AK9: variants seen among roughly 807,000 people sequenced by gnomAD.
AK9 encodes adenylate kinase 9.
A neutral mutation model predicts 239.6 loss-of-function variants in AK9; 191 were observed. That is an observed-to-expected ratio of 0.80 (90% CI 0.71 to 0.90). The LOEUF is 0.90. Ranked by LOEUF, AK9 falls within the 40% of genes least tolerant of loss-of-function variation. The pLI is 0.00. For missense variants in AK9, 1,995 were observed against 2,214.7 expected, an observed-to-expected ratio of 0.90 and a Z score of 1.99; for synonymous variants, 689 against 721.0, an observed-to-expected ratio of 0.96 and a Z score of 0.71.
intron 22 of AK9, 96 bp downstream of exon 22, chr6:109,564,656 ATAAG>A: frequency 1.2e-6 from 1 of 832,804 alleles, no homozygotes; most frequent in Non-Finnish European, 1.8e-6. Flanking sequence ...ATAGAAAGAA[ATAAG>A]TATGACGCAC....
chr6:109,568,476 A>G (rs917602079), intron 21 of AK9, among the ~76,000 whole-genome samples: 14 of 152,188 alleles, frequency 9.2e-5, no homozygotes, highest in Admixed American at 9.2e-4. Flanking sequence ...TTAGGAAAAG[A>G]GGAAGTCAAA....
intron 17 of AK9, among the ~76,000 whole-genome samples, chr6:109,597,128 A>C (rs1427647375): frequency 6.6e-6 from 1 of 152,052 alleles, no homozygotes; most frequent in Non-Finnish European, 1.5e-5. Flanking sequence ...ATATTTCTTC[A>C]GATTAGATTC....
intron 21 of AK9, among the ~76,000 whole-genome samples, chr6:109,572,243 AC>A (rs1028108395): frequency 2.6e-5 from 4 of 151,712 alleles, no homozygotes; most frequent in East Asian, 3.9e-4. Flanking sequence ...GGCTCCCTCA[AC>A]CCCCCTCTCG....
At chr6:109,664,930 C>T (rs1412798790) in intron 5 of AK9, among the ~76,000 whole-genome samples, 1 of 150,990 alleles carries the variant, frequency 6.6e-6, no homozygotes, top group Non-Finnish European at 1.5e-5. Context: ...ATCCCAGCTA[C>T]TCGGGAGGCT....
At chr6:109,562,834 T>C (rs943555887) in intron 24 of AK9, among the ~76,000 whole-genome samples, 1 of 152,112 alleles carries the variant, frequency 6.6e-6, no homozygotes, top group Admixed American at 6.6e-5. Flanking sequence ...TGTCTGCGGA[T>C]ACCAGAGACC....
chr6:109,674,226 T>C lies in AK9; in HGVS notation c.153A>G (p.Thr51=), dbSNP rs1198486901. 2 of 1,591,642 alleles carry C rather than the reference T, an allele frequency of 1.3e-6. No individual in the cohort carries two copies. ...VGKTTLARYI[T]QAWKCIRVEA... Reference sequence around the variant, plus strand: ...CAACACGAATACATTTCCATGCCTGTGTTATGTAACGGGCTAATGTTGTTT... The same window carrying C: ...CAACACGAATACATTTCCATGCCTGCGTTATGTAACGGGCTAATGTTGTTT... The change falls in exon 3 of 41, where the codon ACA becomes ACG. Residue 51 remains threonine, a synonymous_variant. Coordinates refer to ENST00000424296, the MANE Select transcript of AK9 (RefSeq NM_001145128.3).
At chr6:109,665,666 C>G (rs9374114) in intron 5 of AK9, among the ~76,000 whole-genome samples, 88,663 of 152,104 alleles carry the variant, frequency 0.58, 27,526 homozygotes, top group East Asian at 0.84. Context: ...CTACACTGAA[C>G]GGGACTGCAT....
At chr6:109,589,883 GC>G (rs760530178) in intron 17 of AK9, among the ~76,000 whole-genome samples, 16 of 152,098 alleles carry the variant, frequency 1.1e-4, no homozygotes, top group Non-Finnish European at 1.3e-4. Flanking sequence ...ATTTGTGTAT[GC>G]TGAACCAACC....
intron 8 of AK9, among the ~76,000 whole-genome samples, chr6:109,656,204 G>A (rs1180588069): frequency 3.9e-5 from 6 of 152,078 alleles, no homozygotes; most frequent in Non-Finnish European, 7.4e-5. Flanking sequence ...TATAAAATAC[G>A]CTTTTCGCTA....
At chr6:109,646,468 T>C (rs931478037) in intron 8 of AK9, among the ~76,000 whole-genome samples, 1 of 152,090 alleles carries the variant, frequency 6.6e-6, no homozygotes, top group African/African-American at 2.4e-5. Flanking sequence ...CAGTAGCTGA[T>C]TCAATCAAGT....
At chr6:109,500,674 C>T (rs1030295054) in intron 35 of AK9, among the ~76,000 whole-genome samples, 3 of 152,168 alleles carry the variant, frequency 2.0e-5, no homozygotes, top group East Asian at 3.9e-4. Context: ...TATCTAAGAC[C>T]CTTGGGGCCA....
intron 20 of AK9, among the ~76,000 whole-genome samples, chr6:109,574,085 G>A (rs1787766949): frequency 6.6e-6 from 1 of 152,148 alleles, no homozygotes. Context: ...AAAGTTCCAT[G>A]TGTGGCTTAT....
chr6:109,539,890 T>G lies in AK9; in HGVS notation c.3350+2157A>C, dbSNP rs555891456. ...CCACTCTAGATCCTGTTTGCCTGGG[T>G]ATCAGCAGTGGAGGCTGCAGTACAG... is the stretch of plus-strand genomic sequence containing the variant. On this transcript the variant is annotated intron_variant, in intron 27 of 40. Transcript: ENST00000424296. Among the ~76,000 whole-genome samples, 5 of 152,276 alleles carry G rather than the reference T, an allele frequency of 3.3e-5. No individual in the cohort carries two copies. In the East Asian group the frequency reaches 9.7e-4, roughly 29 times the overall value.
chr6:109,570,287 G>T (rs1787238483), intron 21 of AK9, among the ~76,000 whole-genome samples: 1 of 152,018 alleles, frequency 6.6e-6, no homozygotes, highest in Non-Finnish European at 1.5e-5. Flanking sequence ...TCGTGGGGTG[G>T]GGGAAGGGGG....
chr6:109,534,634 G>A (rs1375477958), intron 27 of AK9, among the ~76,000 whole-genome samples: 1 of 151,562 alleles, frequency 6.6e-6, no homozygotes, highest in Non-Finnish European at 1.5e-5. Flanking sequence ...TAAGTTCTAG[G>A]GTACATGTGC....
chr6:109,525,854 C>A (rs1780442285), intron 29 of AK9, among the ~76,000 whole-genome samples: 1 of 152,174 alleles, frequency 6.6e-6, no homozygotes, highest in African/African-American at 2.4e-5. Context: ...ATGCAGTGCA[C>A]TACTCACAAT....
At chr6:109,641,756 C>T in intron 9 of AK9, 140 bp from the exon 10 acceptor site, 1 of 670,224 alleles carries the variant, frequency 1.5e-6, no homozygotes, top group South Asian at 1.8e-5. Context: ...TGGCTTCTGG[C>T]TGTTTGCTGA....
Position 109,515,829 on chromosome 6 carries a change from G to A in AK9, c.4065+28C>T, listed in dbSNP as rs755506857. On this transcript the variant is annotated intron_variant, in intron 31 of 40. Transcript: ENST00000424296. ...TTTGAAAAAAATAAATAAGGAACAT[G>A]GCTTTCAGGTGCGTTTGCTGAAATT... The A allele has an allele frequency of 3.3e-5, 49 of 1,496,784 alleles. No individual in the cohort carries two copies. The East Asian group carries it at 1.2e-3, about 36-fold the overall frequency. 92.7% of individuals were successfully genotyped at this position (1,496,784 alleles called of 1,614,324 possible). A position where few individuals can be genotyped will look rare whatever the true frequency, so the allele number is the denominator to read the frequency against.
intron 5 of AK9, among the ~76,000 whole-genome samples, chr6:109,668,389 C>T (rs1357772591): frequency 6.6e-6 from 1 of 151,942 alleles, no homozygotes; most frequent in African/African-American, 2.4e-5. Flanking sequence ...TGGGCAAAAG[C>T]TCTTTAGTTT....
Sources: gnomAD v4.1 joint callset for allele counts (sites outside exome capture counted in the v4.1 genomes callset) on GRCh38, gnomAD v4.1.1 for gene constraint, MANE v1.5 for transcripts, NCBI Gene and HGNC (gene_info 2026-07-23, HGNC 2026-07-21) for gene names.